The following RBMS3 variants were observed in gnomAD, a reference collection of about 807,000 sequenced individuals.
RBMS3 encodes the protein RNA binding motif single stranded interacting protein 3, also known as RNA-binding motif, single-stranded-interacting protein 3.
RBMS3 carries 27 observed loss-of-function variants against 66.8 expected under a neutral mutation model. The ratio of observed to expected loss-of-function variants is 0.40; its 90% confidence interval spans 0.30 to 0.56. The LOEUF (loss-of-function observed/expected upper bound fraction) is 0.56, where lower values mean the gene tolerates loss of function less well. Among genes scored for constraint, RBMS3 ranks in the 20% least tolerant of loss-of-function variants. The probability of loss-of-function intolerance (pLI) is 0.40; values close to 1 mark genes in which losing one functional copy is unlikely to be tolerated. For missense variants in RBMS3, 513 were observed against 549.5 expected (o/e 0.93, Z 0.66); for synonymous variants, 188 against 183.0 (o/e 1.03, Z -0.22).
intron 1 of RBMS3, among the ~76,000 whole-genome samples, chr3:29,433,546 T>G (rs893383605): frequency 6.6e-6 from 1 of 152,168 alleles, no homozygotes; most frequent in African/African-American, 2.4e-5. Context: ...AACTCAACTT[T>G]TTGAAAAAAT....
chr3:29,790,360 G>C (rs1033313229), intron 6 of RBMS3, among the ~76,000 whole-genome samples: 2 of 152,004 alleles, frequency 1.3e-5, no homozygotes, highest in Admixed American at 1.3e-4. Flanking sequence ...AAGTATAGTA[G>C]GCCATTATGA....
intron 4 of RBMS3, among the ~76,000 whole-genome samples, chr3:29,696,563 A>G (rs2052286608): frequency 6.6e-6 from 1 of 152,204 alleles, no homozygotes; most frequent in Non-Finnish European, 1.5e-5. Context: ...ACCCTGTCTC[A>G]TAGATGACTG....
At chr3:29,885,386 T>C (rs2059846752) in intron 8 of RBMS3, among the ~76,000 whole-genome samples, 1 of 151,788 alleles carries the variant, frequency 6.6e-6, no homozygotes, top group Non-Finnish European at 1.5e-5. Context: ...ACTGGGTGTG[T>C]AGAAAGAAGT....
intron 1 of RBMS3, among the ~76,000 whole-genome samples, chr3:29,319,770 G>C (rs2034901646): frequency 1.3e-5 from 2 of 152,036 alleles, no homozygotes; most frequent in South Asian, 4.2e-4. Flanking sequence ...CCAGATCTAA[G>C]TCCAAAGTAC....
intron 4 of RBMS3, among the ~76,000 whole-genome samples, chr3:29,617,568 G>A (rs957657504): frequency 1.3e-5 from 2 of 152,144 alleles, no homozygotes; most frequent in South Asian, 2.1e-4. Context: ...TCTTGAAACT[G>A]GGATGCCTAA....
intron 10 of RBMS3, among the ~76,000 whole-genome samples, chr3:29,928,571 G>A (rs2061016410): frequency 6.6e-6 from 1 of 152,060 alleles, no homozygotes; most frequent in Non-Finnish European, 1.5e-5. Context: ...AAGGACTATG[G>A]TTATGCCACT....
At position 29,290,989 on chromosome 3, in the gene RBMS3, G is replaced by A. The variant is rs376048948; in HGVS notation, c.75+9233G>A. On this transcript the variant is annotated intron_variant, in intron 1 of 14. Coordinates refer to ENST00000383767, the MANE Select transcript of RBMS3 (RefSeq NM_001003793.3). ...ACTCTGTGTCCAAGTAAATTTAACTGATATGTATCTGTGAATTTGGAGACA... is the reference window on the plus strand; with the variant it reads ...ACTCTGTGTCCAAGTAAATTTAACTAATATGTATCTGTGAATTTGGAGACA... Among the ~76,000 whole-genome samples, 56 of 151,924 alleles carry A rather than the reference G, an allele frequency of 3.7e-4. No homozygotes were observed. The South Asian group carries it at 0.011, about 29-fold the overall frequency.
intron 1 of RBMS3, among the ~76,000 whole-genome samples, chr3:29,319,172 A>T (rs2034864825): frequency 6.6e-6 from 1 of 151,972 alleles, no homozygotes; most frequent in Admixed American, 6.6e-5. Flanking sequence ...GGACAAAGTG[A>T]CATAAGGAAA....
chr3:29,577,949 C>T (rs1479471912), intron 3 of RBMS3, among the ~76,000 whole-genome samples: 1 of 152,134 alleles, frequency 6.6e-6, no homozygotes, highest in Non-Finnish European at 1.5e-5. Context: ...ATTTGGTGTT[C>T]CTGCTGGGGG....
intron 2 of RBMS3, among the ~76,000 whole-genome samples, chr3:29,483,280 G>A (rs200089711): frequency 1.4e-5 from 2 of 142,072 alleles, no homozygotes; most frequent in East Asian, 4.2e-4. Flanking sequence ...CTGCACTCCA[G>A]CCTGGGCGAC....
At chr3:29,886,412 C>T (rs2059872745) in intron 8 of RBMS3, among the ~76,000 whole-genome samples, 2 of 151,826 alleles carry the variant, frequency 1.3e-5, no homozygotes, top group African/African-American at 4.8e-5. Flanking sequence ...TAAATAGAGC[C>T]TGCTGTCTTT....
chr3:29,370,465 C>T (rs2038142728), intron 1 of RBMS3, among the ~76,000 whole-genome samples: 1 of 152,108 alleles, frequency 6.6e-6, no homozygotes, highest in Non-Finnish European at 1.5e-5. Flanking sequence ...TTTTTAGACT[C>T]AACTATGCAC....
intron 3 of RBMS3, among the ~76,000 whole-genome samples, chr3:29,514,359 CAA>C (rs1283293563): frequency 2.6e-5 from 4 of 151,944 alleles, no homozygotes; most frequent in African/African-American, 9.7e-5. Context: ...TCCTCTATCT[CAA>C]AAGCTTTCTT....
At chr3:29,923,632 AAC>A (rs1290378387) in intron 10 of RBMS3, among the ~76,000 whole-genome samples, 1 of 152,212 alleles carries the variant, frequency 6.6e-6, no homozygotes, top group Non-Finnish European at 1.5e-5. Context: ...AGAAAAAAAA[AAC>A]TGGTTCTGAA....
chr3:29,934,783 A>G (rs144037206), intron 10 of RBMS3, among the ~76,000 whole-genome samples: 39 of 152,222 alleles, frequency 2.6e-4, no homozygotes, highest in East Asian at 1.7e-3. Context: ...AATTTCTATT[A>G]TCTCTGAAAA....
intron 3 of RBMS3, among the ~76,000 whole-genome samples, chr3:29,571,585 G>A (rs1323358101): frequency 3.9e-5 from 6 of 151,980 alleles, no homozygotes; most frequent in Admixed American, 3.3e-4. Flanking sequence ...GTTCACTGTA[G>A]GTACGTAGAT....
intron 3 of RBMS3, among the ~76,000 whole-genome samples, chr3:29,576,042 TG>T (rs1490202163): frequency 6.6e-6 from 1 of 152,152 alleles, no homozygotes; most frequent in African/African-American, 2.4e-5. Context: ...CATGTCTTCT[TG>T]GATGATTTTG....
intron 6 of RBMS3, among the ~76,000 whole-genome samples, chr3:29,834,044 A>T (rs1195425137): frequency 6.6e-6 from 1 of 152,132 alleles, no homozygotes. Context: ...TGATGTAGTC[A>T]AAGTGCTGGA....
intron 6 of RBMS3, among the ~76,000 whole-genome samples, chr3:29,819,865 C>T (rs376565065): frequency 7.9e-5 from 12 of 152,116 alleles, no homozygotes; most frequent in South Asian, 4.1e-4. Context: ...ATTAAAGTGT[C>T]GAAGCCACTG....
Sources: gnomAD v4.1 joint callset for allele counts (sites outside exome capture counted in the v4.1 genomes callset) on GRCh38, gnomAD v4.1.1 for gene constraint, MANE v1.5 for transcripts, NCBI Gene and HGNC (gene_info 2026-07-23, HGNC 2026-07-21) for gene names.